MNAT1: variants seen among roughly 807,000 people sequenced by gnomAD.
MNAT1 encodes the protein CDK-activating kinase assembly factor MAT1.
Under a neutral mutation model 42.0 loss-of-function variants are expected in MNAT1, and 43 were observed. The ratio of observed to expected loss-of-function variants is 1.02; its 90% confidence interval spans 0.80 to 1.32. MNAT1 has a LOEUF of 1.32. Ranked by LOEUF, MNAT1 falls within the 40% of genes most tolerant of loss-of-function variation. The probability of loss-of-function intolerance (pLI) is 0.00; values close to 1 mark genes in which losing one functional copy is unlikely to be tolerated. For missense variants in MNAT1, 306 were observed against 350.4 expected (o/e 0.87, Z 1.01); for synonymous variants, 118 against 120.0 (o/e 0.98, Z 0.11).
chr14:60,898,729 T>A (rs139781093), intron 7 of MNAT1, among the ~76,000 whole-genome samples: 24 of 152,304 alleles, frequency 1.6e-4, no homozygotes, highest in African/African-American at 5.1e-4. Flanking sequence ...CTGTTGATTG[T>A]TTCCTTTGCT....
intron 7 of MNAT1, among the ~76,000 whole-genome samples, chr14:60,946,360 T>G (rs1441370726): frequency 6.6e-6 from 1 of 152,196 alleles, no homozygotes; most frequent in African/African-American, 2.4e-5. Flanking sequence ...GGAATTTGGC[T>G]TTTACTTAGA....
At chr14:60,941,174 A>G (rs2036151359) in intron 7 of MNAT1, among the ~76,000 whole-genome samples, 1 of 152,192 alleles carries the variant, frequency 6.6e-6, no homozygotes, top group South Asian at 2.1e-4. Flanking sequence ...ACAGATCAAA[A>G]ATTCATTTAA....
At chr14:60,921,010 C>A (rs1166242627) in intron 7 of MNAT1, among the ~76,000 whole-genome samples, 1 of 152,150 alleles carries the variant, frequency 6.6e-6, no homozygotes, top group African/African-American at 2.4e-5. Context: ...CTCTCTTCTT[C>A]TTCTGTCTCC....
chr14:60,819,335 G>T (rs1167370990), intron 6 of MNAT1, among the ~76,000 whole-genome samples: 1 of 149,980 alleles, frequency 6.7e-6, no homozygotes, highest in Admixed American at 6.6e-5. Flanking sequence ...GTTTATTTTA[G>T]CATTCAAGGG....
chr14:60,782,601 A>G (rs1056774387), intron 1 of MNAT1, among the ~76,000 whole-genome samples: 13 of 152,114 alleles, frequency 8.5e-5, no homozygotes, highest in African/African-American at 3.1e-4. Flanking sequence ...TCTAATGGCT[A>G]ATGTTTATTG....
intron 6 of MNAT1, among the ~76,000 whole-genome samples, chr14:60,875,353 A>G (rs1381389904): frequency 6.6e-6 from 1 of 152,096 alleles, no homozygotes; most frequent in Non-Finnish European, 1.5e-5. Context: ...AAAAATTTAC[A>G]TTTTGAGGAT....
chr14:60,957,219 C>G (rs1038074492), intron 7 of MNAT1, among the ~76,000 whole-genome samples: 3 of 151,942 alleles, frequency 2.0e-5, no homozygotes, highest in Non-Finnish European at 2.9e-5. Flanking sequence ...CTTATAGTTA[C>G]GCTAGTCATA....
At chr14:60,839,307 G>A (rs781508431) in intron 6 of MNAT1, among the ~76,000 whole-genome samples, 14 of 152,232 alleles carry the variant, frequency 9.2e-5, no homozygotes, top group Non-Finnish European at 1.8e-4. Flanking sequence ...TCACACAGAC[G>A]TTGGGACTAC....
chr14:60,753,139 T>C (rs1283201885), intron 1 of MNAT1, among the ~76,000 whole-genome samples: 1 of 152,194 alleles, frequency 6.6e-6, no homozygotes, highest in Non-Finnish European at 1.5e-5. Context: ...ATTTATTTTC[T>C]CACGGTTCTT....
chr14:60,938,046 A>G (rs2036046410), intron 7 of MNAT1, among the ~76,000 whole-genome samples: 1 of 152,146 alleles, frequency 6.6e-6, no homozygotes. Flanking sequence ...TTGGTGTAGA[A>G]GAATGGTTGT....
intron 7 of MNAT1, among the ~76,000 whole-genome samples, chr14:60,929,414 A>G (rs1482939628): frequency 6.6e-6 from 1 of 151,776 alleles, no homozygotes; most frequent in African/African-American, 2.4e-5. Context: ...GTTTTGTAAT[A>G]TTACCTCTTA....
At chr14:60,850,293 T>A (rs1249112301) in intron 6 of MNAT1, among the ~76,000 whole-genome samples, 2 of 152,218 alleles carry the variant, frequency 1.3e-5, no homozygotes, top group African/African-American at 4.8e-5. Context: ...AAATAACACA[T>A]ACTTTTTCAT....
intron 1 of MNAT1, among the ~76,000 whole-genome samples, chr14:60,735,738 T>C (rs778794012): frequency 1.3e-5 from 2 of 151,852 alleles, no homozygotes; most frequent in Non-Finnish European, 2.9e-5. Flanking sequence ...AGGAGGGAGG[T>C]TGAGTTTGTG....
At chr14:60,793,356 TTTTATTTA>T (rs371538777) in intron 1 of MNAT1, among the ~76,000 whole-genome samples, 4 of 151,850 alleles carry the variant, frequency 2.6e-5, no homozygotes, top group Admixed American at 1.3e-4. Context: ...TTTCCTGTTA[TTTTATTTA>T]TTTATTTATT....
Position 60,746,690 on chromosome 14 carries a change from CAT to C in MNAT1, c.89+11744_89+11745del, listed in dbSNP as rs565050256. Among the ~76,000 whole-genome samples the C allele has an allele frequency of 2.4e-3, 356 of 150,400 alleles. 1 individual carries two copies. Among genetic ancestry groups the C allele is most frequent in the Non-Finnish European group, 4.2e-3 (284 of 67,724 alleles). ...CGGATTGCTTATTATATGGCTCTAACATATATTTTTTGCTTGATCAAAAATGA... is the reference window on the plus strand; with the variant it reads ...CGGATTGCTTATTATATGGCTCTAACATATTTTTTGCTTGATCAAAAATGA... On this transcript the variant is annotated intron_variant, in intron 1 of 7. Coordinates refer to ENST00000261245, the MANE Select transcript of MNAT1 (RefSeq NM_002431.4).
chr14:60,905,768 T>C (rs2035184676), intron 7 of MNAT1, among the ~76,000 whole-genome samples: 1 of 152,202 alleles, frequency 6.6e-6, no homozygotes, highest in Non-Finnish European at 1.5e-5. Flanking sequence ...TTCGTTTTTT[T>C]GCTGTGTTCA....
At chr14:60,863,165 A>C (rs1394236228) in intron 6 of MNAT1, among the ~76,000 whole-genome samples, 1 of 152,170 alleles carries the variant, frequency 6.6e-6, no homozygotes, top group Non-Finnish European at 1.5e-5. Flanking sequence ...AAATAGAAAT[A>C]AATGAGAAAT....
rs940728171 is a variant in MNAT1 at position 60,846,399 on chromosome 14, T to G, written c.687+27552T>G. Among the ~76,000 whole-genome samples, 14 of 152,196 alleles carry G rather than the reference T, an allele frequency of 9.2e-5. No homozygotes were observed. In the East Asian group the frequency reaches 2.3e-3, roughly 25 times the overall value. ...TTGGTTTTAAGAATTTTTAAAAAAT[T>G]TTTTTTGATTTCCATTTCATTGATC... On this transcript the variant is annotated intron_variant, in intron 6 of 7. Coordinates refer to ENST00000261245, the MANE Select transcript of MNAT1 (RefSeq NM_002431.4).
chr14:60,961,264 C>G (rs767846298), intron 7 of MNAT1, among the ~76,000 whole-genome samples: 14 of 152,162 alleles, frequency 9.2e-5, no homozygotes, highest in Admixed American at 7.2e-4. Flanking sequence ...GCCCGGCCAT[C>G]AGCTTTCTAA....
Sources: gnomAD v4.1 joint callset for allele counts (sites outside exome capture counted in the v4.1 genomes callset) on GRCh38, gnomAD v4.1.1 for gene constraint, MANE v1.5 for transcripts, NCBI Gene and HGNC (gene_info 2026-07-23, HGNC 2026-07-21) for gene names.